RAB10: variants seen among roughly 807,000 people sequenced by gnomAD.
The protein encoded by RAB10 is RAB10, member RAS oncogene family.
A neutral mutation model predicts 25.7 loss-of-function variants in RAB10; 5 were observed. The ratio of observed to expected loss-of-function variants is 0.19; its 90% CI spans 0.10 to 0.41. RAB10 has a LOEUF of 0.41. Ranked by LOEUF, RAB10 falls within the 10% of genes least tolerant of loss-of-function variation. The pLI, the probability that RAB10 is intolerant of heterozygous loss-of-function variation, is 1.00. For synonymous variants in RAB10, 89 were observed against 86.4 expected, an observed-to-expected ratio of 1.03 and a Z score of -0.16; for missense variants, 103 against 245.8, an observed-to-expected ratio of 0.42 and a Z score of 3.89.
intron 1 of RAB10, among the ~76,000 whole-genome samples, chr2:26,064,872 C>G (rs1423768483): frequency 1.5e-4 from 23 of 152,210 alleles, no homozygotes; most frequent in Non-Finnish European, 2.9e-5. Context: ...CCTAGCAAGA[C>G]TCCTGTCTCC....
At chr2:26,060,721 T>C (rs565116172) in intron 1 of RAB10, among the ~76,000 whole-genome samples, 1 of 152,356 alleles carries the variant, frequency 6.6e-6, no homozygotes, top group East Asian at 1.9e-4. Flanking sequence ...CCAGAATTGC[T>C]AATCCAGGTC....
chr2:26,084,711 T>TCTTTCATAGTACTG (rs11267660), intron 1 of RAB10, among the ~76,000 whole-genome samples: 2 of 151,950 alleles, frequency 1.3e-5, no homozygotes, highest in Non-Finnish European at 1.5e-5. Context: ...TTTTACCCCT[T>TCTTTCATAGTACTG]CAGTTTCAGT....
intron 1 of RAB10, among the ~76,000 whole-genome samples, chr2:26,036,966 T>C (rs886203218): frequency 1.1e-4 from 17 of 151,818 alleles, no homozygotes; most frequent in African/African-American, 4.1e-4. Context: ...TCTGTATTTT[T>C]AGTAGAGATG....
chr2:26,131,184 A>G (rs1000960262), intron 5 of RAB10, among the ~76,000 whole-genome samples: 3 of 152,044 alleles, frequency 2.0e-5, no homozygotes, highest in African/African-American at 4.8e-5. Flanking sequence ...GGGGTGTCCA[A>G]TCTTTTGGCT....
intron 1 of RAB10, among the ~76,000 whole-genome samples, chr2:26,043,824 G>C (rs142642665): frequency 6.6e-6 from 1 of 152,232 alleles, no homozygotes; most frequent in East Asian, 1.9e-4. Flanking sequence ...TAGTGTTGAT[G>C]GTTGTATAAC....
chr2:26,116,248 G>C (rs1667685833), intron 3 of RAB10, among the ~76,000 whole-genome samples: 1 of 152,122 alleles, frequency 6.6e-6, no homozygotes, highest in Admixed American at 6.6e-5. Flanking sequence ...AAAACCCTGA[G>C]CTCCAATAAT....
chr2:26,083,904 AAAATG>A lies in RAB10; in HGVS notation c.128-14752_128-14748del, dbSNP rs141696830. Among the ~76,000 whole-genome samples the A allele has an allele frequency of 6.2e-3, 942 of 152,354 alleles. 12 individuals are homozygous for A. Among genetic ancestry groups the A allele is most frequent in the African/African-American group, 0.021 (880 of 41,576 alleles). On this transcript the variant is annotated intron_variant, in intron 1 of 5. Coordinates refer to ENST00000264710, the MANE Select transcript of RAB10 (RefSeq NM_016131.5). ...TATTTACAATAGCATCCAACAAATG[AAAATG>A]AAATGGGGATAAATTTTAAAAATAT...
Position 26,088,928 on chromosome 2 carries a change from TCA to T in RAB10, c.128-9733_128-9732del, listed in dbSNP as rs368403792. Among the ~76,000 whole-genome samples, 37 of 151,986 alleles carry T rather than the reference TCA, an allele frequency of 2.4e-4. 1 individual carries two copies. The East Asian group carries it at 6.4e-3, about 26-fold the overall frequency. ...ATGAGCCACCATGCCCGGCTTATCT[TCA>T]GTTTTTCTTAGGTGTTTGCATGTGG... On this transcript the variant is annotated intron_variant, in intron 1 of 5. Transcript: ENST00000264710.
chr2:26,095,457 A>G (rs746570189), intron 1 of RAB10, among the ~76,000 whole-genome samples: 33 of 152,202 alleles, frequency 2.2e-4, no homozygotes, highest in Non-Finnish European at 4.3e-4. Flanking sequence ...AATACAAAAA[A>G]TTAGCCAGGC....
At chr2:26,057,129 T>G (rs550900919) in intron 1 of RAB10, among the ~76,000 whole-genome samples, 1 of 152,372 alleles carries the variant, frequency 6.6e-6, no homozygotes, top group East Asian at 1.9e-4. Context: ...CTGTGACATG[T>G]GCTTGTAGGA....
intron 1 of RAB10, among the ~76,000 whole-genome samples, chr2:26,086,274 G>A (rs934123580): frequency 4.9e-4 from 75 of 152,130 alleles, no homozygotes; most frequent in Admixed American, 7.2e-4. Flanking sequence ...CAACAAGAGC[G>A]AAACTCTGTC....
At chr2:26,050,710 A>G (rs1666112002) in intron 1 of RAB10, among the ~76,000 whole-genome samples, 1 of 151,368 alleles carries the variant, frequency 6.6e-6, no homozygotes, top group Non-Finnish European at 1.5e-5. Context: ...TGCAGCCTCA[A>G]CCTCCTGGGC....
intron 1 of RAB10, among the ~76,000 whole-genome samples, chr2:26,073,985 CA>C (rs780597776): frequency 2.0e-5 from 3 of 152,056 alleles, no homozygotes; most frequent in Non-Finnish European, 4.4e-5. Flanking sequence ...ATATGTAGAC[CA>C]GGGGCAGTTT....
intron 3 of RAB10, 85 bp downstream of exon 3, chr2:26,109,991 A>G: frequency 7.5e-7 from 1 of 1,333,326 alleles, no homozygotes; most frequent in Non-Finnish European, 1.0e-6. Flanking sequence ...ACTGATCTTC[A>G]GGATATAATG....
At chr2:26,053,855 G>T (rs1574529338) in intron 1 of RAB10, among the ~76,000 whole-genome samples, 1 of 150,380 alleles carries the variant, frequency 6.6e-6, no homozygotes, top group Non-Finnish European at 1.5e-5. Context: ...GAGTAGCTGG[G>T]ATTACAGGCG....
intron 1 of RAB10, among the ~76,000 whole-genome samples, chr2:26,062,790 T>C (rs915432400): frequency 6.6e-6 from 1 of 152,088 alleles, no homozygotes; most frequent in African/African-American, 2.4e-5. Flanking sequence ...TTGCCACTTC[T>C]AGGGTTAGTT....
At chr2:26,079,312 CACACACACACAA>C (rs1240911273) in intron 1 of RAB10, among the ~76,000 whole-genome samples, 2,021 of 87,060 alleles carry the variant, frequency 0.023, 39 homozygotes, top group African/African-American at 0.08. Flanking sequence ...AAGTTTGAAA[CACACACACACAA>C]ACACACACAC....
intron 1 of RAB10, among the ~76,000 whole-genome samples, chr2:26,053,835 T>A (rs1448237108): frequency 6.6e-6 from 1 of 151,970 alleles, no homozygotes; most frequent in African/African-American, 2.4e-5. Flanking sequence ...TTCTCCTGCC[T>A]CAGCCTCCTG....
chr2:26,072,099 G>A (rs755190196), intron 1 of RAB10, among the ~76,000 whole-genome samples: 9 of 152,124 alleles, frequency 5.9e-5, no homozygotes, highest in Non-Finnish European at 7.4e-5. Context: ...CCTATTCAGA[G>A]TGCAAAGTAA....
Sources: gnomAD v4.1 joint callset for allele counts (sites outside exome capture counted in the v4.1 genomes callset) on GRCh38, gnomAD v4.1.1 for gene constraint, MANE v1.5 for transcripts, NCBI Gene and HGNC (gene_info 2026-07-23, HGNC 2026-07-21) for gene names.